Variants in MED12L observed in about 807,000 individuals in gnomAD.
MED12L encodes the protein mediator complex subunit 12L.
Under a neutral mutation model 281.3 loss-of-function variants are expected in MED12L, and 60 were observed. The ratio of observed to expected loss-of-function variants is 0.21; its 90% CI spans 0.17 to 0.26. The LOEUF is 0.26. Ranked by LOEUF, MED12L falls within the 10% of genes least tolerant of loss-of-function variation. MED12L has a pLI of 1.00. For synonymous variants in MED12L, 974 were observed against 987.2 expected (o/e 0.99, Z 0.25); for missense variants, 2,146 against 2,680.9 (o/e 0.80, Z 4.41).
intron 16 of MED12L, chr3:151,338,128 T>G (rs773458825): frequency 6.2e-7 from 1 of 1,614,074 alleles, no homozygotes; most frequent in Non-Finnish European, 8.5e-7. Context: ...GCAATGATAA[T>G]GAAAACTTTG....
chr3:151,419,287 G>A (rs914044256), intron 43 of MED12L, among the ~76,000 whole-genome samples: 4 of 152,324 alleles, frequency 2.6e-5, no homozygotes, highest in Admixed American at 6.5e-5. Context: ...TGACCACAAG[G>A]TCCCACAATA....
intron 5 of MED12L, among the ~76,000 whole-genome samples, chr3:151,138,522 T>C (rs568645196): frequency 6.6e-6 from 1 of 152,326 alleles, no homozygotes; most frequent in African/African-American, 2.4e-5. Flanking sequence ...CATTTCAGGA[T>C]CTTATTCAGG....
At chr3:151,378,321 GT>G (rs936451424) in intron 31 of MED12L, 148 bp downstream of exon 31, 2 of 820,972 alleles carry the variant, frequency 2.4e-6, no homozygotes, top group Non-Finnish European at 1.7e-6. Context: ...AGGCAAGGCT[GT>G]CTTATTCCTA....
intron 11 of MED12L, among the ~76,000 whole-genome samples, chr3:151,182,737 C>T (rs1052078176): frequency 5.3e-5 from 8 of 152,082 alleles, no homozygotes; most frequent in Non-Finnish European, 7.4e-5. Context: ...AGAAAGTTCA[C>T]AGGACAAGAA....
In MED12L at chr3:151,338,447, G is replaced by A. The variant is rs202099042; in HGVS notation, c.2251-11612G>A. On this transcript the variant is annotated intron_variant, in intron 16 of 44. Coordinates refer to ENST00000687756, the MANE Select transcript of MED12L (RefSeq NM_001393769.1). ...TAGCCCCCAAGAGATTTTTGGGGTT[G>A]GATGTTTTAAATGGCCTGGTGGTCT... The A allele has an allele frequency of 4.3e-6, 7 of 1,613,910 alleles. No homozygotes were observed. The highest frequency in any genetic ancestry group is 1.1e-5 in the South Asian group (1 of 91,078).
At chr3:151,294,948 G>A (rs1258433792) in intron 16 of MED12L, 1 of 1,614,010 alleles carries the variant, frequency 6.2e-7, no homozygotes, top group Non-Finnish European at 8.5e-7. Context: ...CCTGCATCAT[G>A]GACTATTCGA....
chr3:151,136,116 C>T (rs1487250269), intron 5 of MED12L, among the ~76,000 whole-genome samples: 2 of 152,180 alleles, frequency 1.3e-5, no homozygotes, highest in Non-Finnish European at 2.9e-5. Flanking sequence ...GTTGACTATA[C>T]TCTTGTAACC....
chr3:151,336,530 T>C, intron 16 of MED12L: 1 of 456,620 alleles, frequency 2.2e-6, no homozygotes, highest in Non-Finnish European at 4.4e-6. Flanking sequence ...TTCCTCCTTC[T>C]GTTTGAGAGT....
intron 16 of MED12L, among the ~76,000 whole-genome samples, chr3:151,233,042 A>T (rs1452470792): frequency 1.3e-5 from 2 of 152,220 alleles, no homozygotes; most frequent in Non-Finnish European, 2.9e-5. Flanking sequence ...TAAAGCAATA[A>T]AAAAACACCA....
At chr3:151,351,068 G>A (rs950925689) in intron 17 of MED12L, among the ~76,000 whole-genome samples, 1 of 152,104 alleles carries the variant, frequency 6.6e-6, no homozygotes, top group African/African-American at 2.4e-5. Flanking sequence ...CTTCCTGCAC[G>A]TGGTATAAAC....
intron 4 of MED12L, among the ~76,000 whole-genome samples, chr3:151,127,223 C>A (rs1186573365): frequency 1.3e-5 from 2 of 152,180 alleles, no homozygotes; most frequent in Admixed American, 1.3e-4. Context: ...TGCCTAATTT[C>A]AACCAGTAAA....
At chr3:151,198,337 TTTTTG>T in intron 16 of MED12L, 6 of 1,011,040 alleles carry the variant, frequency 5.9e-6, no homozygotes, top group East Asian at 2.6e-5. Flanking sequence ...ACTGAGTTTT[TTTTTG>T]TTTTTTTTTT....
At chr3:151,146,870 A>G (rs537357518) in intron 5 of MED12L, among the ~76,000 whole-genome samples, 99 of 152,048 alleles carry the variant, frequency 6.5e-4, no homozygotes, top group Non-Finnish European at 1.0e-3. Context: ...TAACTATCTG[A>G]TCATTCAGCA....
At chr3:151,376,565 G>C (rs1756877802) in intron 28 of MED12L, among the ~76,000 whole-genome samples, 1 of 152,146 alleles carries the variant, frequency 6.6e-6, no homozygotes, top group East Asian at 1.9e-4. Context: ...TTTAGTTTCA[G>C]TGCATAGCTG....
intron 16 of MED12L, among the ~76,000 whole-genome samples, chr3:151,324,964 AT>A (rs1487316634): frequency 2.0e-5 from 3 of 152,170 alleles, no homozygotes; most frequent in Non-Finnish European, 4.4e-5. Flanking sequence ...TGCTCTGGAT[AT>A]TCTGTTAATA....
intron 19 of MED12L, among the ~76,000 whole-genome samples, chr3:151,356,990 T>C (rs1396157205): frequency 1.3e-5 from 2 of 152,170 alleles, no homozygotes; most frequent in African/African-American, 4.8e-5. Context: ...GAAGTTTCAG[T>C]ACCTTATTTC....
At chr3:151,270,195 T>C (rs182589950) in intron 16 of MED12L, 152 of 54,094 alleles carry the variant, frequency 2.8e-3, no homozygotes, top group African/African-American at 0.015. Context: ...GAGCAAGCTG[T>C]CGTGTGTGTG....
At chr3:151,338,685 C>A in intron 16 of MED12L, 1 of 1,613,476 alleles carries the variant, frequency 6.2e-7, no homozygotes, top group Non-Finnish European at 8.5e-7. Flanking sequence ...TGATTTACTC[C>A]GGATTTGAAA....
At chr3:151,145,661 T>G (rs1717662454) in intron 5 of MED12L, among the ~76,000 whole-genome samples, 1 of 152,228 alleles carries the variant, frequency 6.6e-6, no homozygotes, top group Non-Finnish European at 1.5e-5. Context: ...ATCTCTTTCT[T>G]ACACTTGGAT....
Sources: gnomAD v4.1 joint callset for allele counts (sites outside exome capture counted in the v4.1 genomes callset) on GRCh38, gnomAD v4.1.1 for gene constraint, MANE v1.5 for transcripts, NCBI Gene and HGNC (gene_info 2026-07-23, HGNC 2026-07-21) for gene names.